XAB2: variants seen among roughly 807,000 people sequenced by gnomAD.
XAB2 encodes the protein XPA binding protein 2.
In XAB2, 57 loss-of-function variants were observed where a neutral mutation model predicts 113.4. The ratio of observed to expected loss-of-function variants is 0.50; its 90% confidence interval spans 0.41 to 0.63. The LOEUF (loss-of-function observed/expected upper bound fraction) is 0.63, where lower values mean the gene tolerates loss of function less well. Ranked by LOEUF, XAB2 falls within the 20% of genes least tolerant of loss-of-function variation. The pLI is 0.00. For missense variants in XAB2, 1,037 were observed against 1,233.3 expected, an observed-to-expected ratio of 0.84 and a Z score of 2.38; for synonymous variants, 497 against 498.8, an observed-to-expected ratio of 1.00 and a Z score of 0.05.
In XAB2 at chr19:7,624,364, A is replaced by T. The variant is rs1170223267; in HGVS notation, c.904T>A (p.Phe302Ile). The change falls in exon 7 of 19, where the codon TTC becomes ATC. Residue 302 changes from phenylalanine (F) to isoleucine (I), a missense_variant. Transcript: ENST00000358368. This position sits in a 1 kb window ranked among gnomAD's most constrained non-coding sequence, Gnocchi z 4.2. ...TTTGCAGCGATCATGCTCTCCTCGA[A>T]CTGGGCGTAGCTGTCAAACACCTGT... ...FTQVFDSYAQ[F>I]EESMIAAKME... is the part of the protein sequence containing the mutation. 1 of 1,613,984 alleles carries T rather than the reference A, an allele frequency of 6.2e-7. No individual in the cohort carries two copies. Among genetic ancestry groups the T allele is most frequent in the Non-Finnish European group, 8.5e-7 (1 of 1,180,004 alleles).
In XAB2 at chr19:7,622,868, G is replaced by A; in HGVS notation, c.1265C>T (p.Thr422Ile). ...ATCCACCTGCTTGAAGTTCACCTTG[G>A]TGGCCTTCTCCAGGATGACACGGGC... The part of the protein sequence containing the change: ...DDARVILEKA[T>I]KVNFKQVDDL... The change falls in exon 10 of 19, where the codon ACC becomes ATC. Residue 422 changes from threonine (T) to isoleucine (I), a missense_variant. By Grantham distance (89) the Thr-to-Ile change is moderately conservative (BLOSUM62 -1). Coordinates refer to ENST00000358368, the MANE Select transcript of XAB2 (RefSeq NM_020196.3). 1 of 1,613,908 alleles carries A rather than the reference G, an allele frequency of 6.2e-7. No individual in the cohort carries two copies. Among genetic ancestry groups the A allele is most frequent in the Non-Finnish European group, 8.5e-7 (1 of 1,179,982 alleles).
chr19:7,624,741 CA>C lies in XAB2; in HGVS notation c.823-297del, dbSNP rs2031104414. Among the ~76,000 whole-genome samples, 1 of 152,190 alleles carries C rather than the reference CA, an allele frequency of 6.6e-6. No homozygotes were observed. The highest frequency in any genetic ancestry group is 1.5e-5 in the Non-Finnish European group (1 of 68,028). On this transcript the variant is annotated intron_variant, in intron 6 of 18. Coordinates refer to ENST00000358368, the MANE Select transcript of XAB2 (RefSeq NM_020196.3). The surrounding 1 kb of genome is among the most constrained non-coding windows in gnomAD (Gnocchi z 4.2). ...TGAGACACATGTGTGAAGCACTTGG[CA>C]CCCAATAGGTGGCCAAAAACCCCCC...
chr19:7,628,083 C>A lies in XAB2; in HGVS notation c.200+67G>T. On this transcript the variant is annotated intron_variant, in intron 2 of 18. Transcript: ENST00000358368. The surrounding 1 kb of genome is among the most constrained non-coding windows in gnomAD (Gnocchi z 4.6). ...CACCCGGGACCCGGGACCCACTTGG[C>A]AGTTTTGTTATAACTGGACCAGGTG... 2 of 1,560,386 alleles carry A rather than the reference C, an allele frequency of 1.3e-6. No individual in the cohort carries two copies. Among genetic ancestry groups the A allele is most frequent in the South Asian group, 1.2e-5 (1 of 86,804 alleles).
chr19:7,624,670 T>G lies in XAB2; in HGVS notation c.823-225A>C, dbSNP rs1451832980. Among the ~76,000 whole-genome samples, 1 of 152,074 alleles carries G rather than the reference T, an allele frequency of 6.6e-6. No homozygotes were observed. Among genetic ancestry groups the G allele is most frequent in the Non-Finnish European group, 1.5e-5 (1 of 67,986 alleles). ...CTTGGGAGCTTCAGGACCTCCTCAG[T>G]AAACTGGGTGACTGCCCTTTGCACA... On this transcript the variant is annotated intron_variant, in intron 6 of 18. Coordinates refer to ENST00000358368, the MANE Select transcript of XAB2 (RefSeq NM_020196.3). This position sits in a 1 kb window ranked among gnomAD's most constrained non-coding sequence, Gnocchi z 4.2.
Position 7,624,294 on chromosome 19 carries a change from G to A in XAB2, c.967+7C>T. The A allele has an allele frequency of 6.2e-7, 1 of 1,612,864 alleles. No homozygotes were observed. Among genetic ancestry groups the A allele is most frequent in the Non-Finnish European group, 8.5e-7 (1 of 1,180,000 alleles). On this transcript the variant is annotated splice_region_variant and intron_variant, in intron 7 of 18. Transcript: ENST00000358368. The surrounding 1 kb of genome is among the most constrained non-coding windows in gnomAD (Gnocchi z 4.2). The stretch of plus-strand genomic sequence containing the variant: ...CTCCCCACCAGCCGGGGCCCCCAGA[G>A]GCTCACCCTCCTCCTCGCGCCCCAG...
In XAB2 at chr19:7,624,441, C is replaced by T. The variant is rs779830412; in HGVS notation, c.827G>A (p.Arg276Gln). The T allele has an allele frequency of 3.7e-6, 6 of 1,613,940 alleles. No homozygotes were observed. The highest frequency in any genetic ancestry group is 2.7e-5 in the African/African-American group (2 of 74,932). Residue 276 changes from arginine to glutamine, a missense_variant, in exon 7 of 19, where the codon CGG becomes CAG. Arg to Gln is a conservative substitution (Grantham distance 43). Transcript: ENST00000358368. The surrounding 1 kb of genome is among the most constrained non-coding windows in gnomAD (Gnocchi z 4.2). ...YIRSGHFEKA[R>Q]DVYEEAIRTV... is the part of the protein sequence containing the mutation. ...CCGGATGGCCTCCTCGTACACGTCC[C>T]GAGCCTGTGGGGACCCAGGGAAGGG...
rs779071845 is a variant in XAB2 at position 7,620,653 on chromosome 19, T to C, written c.1988A>G (p.His663Arg). The change falls in exon 15 of 19, where the codon CAC (histidine) becomes CGC (arginine). Residue 663 changes from histidine to arginine, a missense_variant. His to Arg is a conservative substitution (Grantham distance 29). Transcript: ENST00000358368. ...QKAIEVLSDE[H>R]AREMCLRFAD... ...AAACCGCAGGCACATCTCACGCGCG[T>C]GCTCGTCCGACAGCACCTGGACACC... is the stretch of plus-strand genomic sequence containing the variant. The C allele has an allele frequency of 2.0e-5, 32 of 1,612,706 alleles. No homozygotes were observed. Among genetic ancestry groups the C allele is most frequent in the Non-Finnish European group, 2.6e-5 (31 of 1,179,898 alleles).
rs1200278301 is a variant in XAB2, at chr19:7,625,419, C to T, written c.822+461G>A. On this transcript the variant is annotated intron_variant, in intron 6 of 18. Coordinates refer to ENST00000358368, the MANE Select transcript of XAB2 (RefSeq NM_020196.3). This position sits in a 1 kb window ranked among gnomAD's most constrained non-coding sequence, Gnocchi z 5.2. ...CCTGCGGGCAGGAGTGCTCCCCCAC[C>T]CTCAGCAGGATAGTAATCGTGTGCA... 1.3e-5 allele frequency among the ~76,000 whole-genome samples: 2 copies of T among 152,136 alleles called. No individual in the cohort carries two copies. The highest frequency in any genetic ancestry group is 2.9e-5 in the Non-Finnish European group (2 of 68,020).
At position 7,619,957 on chromosome 19, in the gene XAB2, G is replaced by A. The variant is rs1433504027; in HGVS notation, c.2385C>T (p.Ile795=). Residue 795 remains isoleucine, a synonymous_variant, in exon 17 of 19, where the codon ATC becomes ATT. Transcript: ENST00000358368. ...GGATCCGCCCTCACCTCACGAACAG[G>A]ATCTTGCTCTGGGCGCGCAAGGGCT... ...RDQPLRAQSK[I]LFVRSDASRE... 2 of 1,611,552 alleles carry A rather than the reference G, an allele frequency of 1.2e-6. No individual in the cohort carries two copies. Among genetic ancestry groups the A allele is most frequent in the Admixed American group, 1.7e-5 (1 of 60,020 alleles).
rs932077127 is a variant in XAB2, at chr19:7,619,780, C to G, written c.2473G>C (p.Glu825Gln). Residue 825 changes from glutamate to glutamine, a missense_variant, in exon 18 of 19, where the codon GAG becomes CAG. Transcript: ENST00000358368. ...NPEEIQLGED[E>Q]DEDEMDLEPN... ...TCCAGGTCCATCTCGTCCTCGTCCT[C>G]GTCCTCGCCCAGCTGGATCTCCTCG... 6.2e-7 allele frequency: 1 copy of G among 1,613,676 alleles called. No individual in the cohort carries two copies. The highest frequency in any genetic ancestry group is 8.5e-7 in the Non-Finnish European group (1 of 1,179,948).
chr19:7,621,526 C>G, intron 12 of XAB2: 2 of 552,894 alleles, frequency 3.6e-6, no homozygotes, highest in South Asian at 2.5e-5. Context: ...TAAGCACAGT[C>G]TGGCCCCATA....
chr19:7,620,872 G>T lies in XAB2; in HGVS notation c.1945C>A (p.Arg649Ser). 1 of 1,593,980 alleles carries T rather than the reference G, an allele frequency of 6.3e-7. No individual in the cohort carries two copies. Among genetic ancestry groups the T allele is most frequent in the South Asian group, 1.1e-5 (1 of 87,916 alleles). ...TCAATGGCCTTCTGGTAGATGCCGC[G>T]GGTGTGGGTGACCCCATAGATCTCG... ...AAEIYGVTHT[R>S]GIYQKAIEVL... Residue 649 changes from arginine (R) to serine (S), a missense_variant, in exon 14 of 19, where the codon CGC becomes AGC. Physicochemically the swap from Arg to Ser is moderately radical, Grantham distance 110 (BLOSUM62 -1). Transcript: ENST00000358368.
At chr19:7,622,279 TG>T in intron 12 of XAB2, 51 bp downstream of exon 12, 1 of 1,576,314 alleles carries the variant, frequency 6.3e-7, no homozygotes, top group Non-Finnish European at 8.7e-7. Flanking sequence ...TGAGGACCCC[TG>T]GGGAGGGGAC....
Position 7,622,423 on chromosome 19 carries a change from G to A in XAB2, c.1525C>T (p.Arg509Cys), listed in dbSNP as rs377194001. 28 of 1,614,194 alleles carry A rather than the reference G, an allele frequency of 1.7e-5. No individual in the cohort carries two copies. The highest frequency in any genetic ancestry group is 6.7e-5 in the Admixed American group (4 of 60,032). ...GTTGCGATACGCAGGTCCAGGATGC[G>A]GTCGTACACGGCCTTGGTGGACTGC... ...TFQSTKAVYDRILDLRIATPQ... is the reference protein window; with the variant it reads ...TFQSTKAVYDCILDLRIATPQ... Residue 509 changes from arginine (R) to cysteine (C), a missense_variant, in exon 12 of 19, where the codon CGC (arginine) becomes TGC (cysteine). Physicochemically the swap from Arg to Cys is radical, Grantham distance 180. Coordinates refer to ENST00000358368, the MANE Select transcript of XAB2 (RefSeq NM_020196.3).
rs1489818523 is a variant in XAB2 at position 7,622,545 on chromosome 19, G to C, written c.1488C>G (p.Ser496Arg). The part of the protein sequence containing the change: ...VWSMLADLEE[S>R]LGTFQSTKAV... ...GGCAGCTCACCTGGAAGGTGCCGAG[G>C]CTCTCCTCCAGGTCGGCGAGCATGG... The change falls in exon 11 of 19, where the codon AGC (serine) becomes AGG (arginine). Residue 496 changes from serine (S) to arginine (R), a missense_variant. Ser to Arg is a moderately radical substitution (Grantham distance 110, BLOSUM62 -1). Transcript: ENST00000358368. The C allele has an allele frequency of 6.2e-7, 1 of 1,613,776 alleles. No individual in the cohort carries two copies. The highest frequency in any genetic ancestry group is 8.5e-7 in the Non-Finnish European group (1 of 1,180,030).
In XAB2 at chr19:7,621,300, G is replaced by T; in HGVS notation, c.1618-3C>A. 2 of 1,612,184 alleles carry T rather than the reference G, an allele frequency of 1.2e-6. No homozygotes were observed. The highest frequency in any genetic ancestry group is 2.7e-5 in the African/African-American group (2 of 75,036). On this transcript the variant is annotated splice_region_variant and splice_polypyrimidine_tract_variant and intron_variant, in intron 12 of 18. Coordinates refer to ENST00000358368, the MANE Select transcript of XAB2 (RefSeq NM_020196.3). ...AGCGAGATGCCGCGCTCGTACGCCT[G>T]TTACCAGAGGGAGAGTCACATGTGA...
chr19:7,627,947 G>T lies in XAB2; in HGVS notation c.201-96C>A. Reference sequence around the variant, plus strand: ...CCAGTTGGCAAATGTGGGAAGAAGGGGTGTGGGAGGGGTGACATGTCTCAG... The same window carrying T: ...CCAGTTGGCAAATGTGGGAAGAAGGTGTGTGGGAGGGGTGACATGTCTCAG... On this transcript the variant is annotated intron_variant, in intron 2 of 18. Transcript: ENST00000358368. This position sits in a 1 kb window ranked among gnomAD's most constrained non-coding sequence, Gnocchi z 4.5. The T allele has an allele frequency of 1.3e-6, 2 of 1,549,184 alleles. No individual in the cohort carries two copies. Among genetic ancestry groups the T allele is most frequent in the South Asian group, 2.4e-5 (2 of 82,470 alleles).
Position 7,623,329 on chromosome 19 carries a change from C to A in XAB2, c.1120-40G>T. 1 of 1,604,892 alleles carries A rather than the reference C, an allele frequency of 6.2e-7. No homozygotes were observed. The highest frequency in any genetic ancestry group is 8.5e-7 in the Non-Finnish European group (1 of 1,174,610). On this transcript the variant is annotated intron_variant, in intron 8 of 18. Coordinates refer to ENST00000358368, the MANE Select transcript of XAB2 (RefSeq NM_020196.3). This position sits in a 1 kb window ranked among gnomAD's most constrained non-coding sequence, Gnocchi z 4.6. ...GAGGAGGTCATATAGGACTCAGGACCCTGCAGATGACGGTCGGGGCAGAGC... is the reference window on the plus strand; with the variant it reads ...GAGGAGGTCATATAGGACTCAGGACACTGCAGATGACGGTCGGGGCAGAGC...
In XAB2 at chr19:7,621,968, G is replaced by T. The variant is rs4134856; in HGVS notation, c.1617+363C>A. ...AGTACCTCAGAAAGTAGATTCGTTT[G>T]AAGATGAGATCACTAAGTTAAACTG... is the stretch of plus-strand genomic sequence containing the variant. On this transcript the variant is annotated intron_variant, in intron 12 of 18. Transcript: ENST00000358368. 1,087 of 228,826 alleles carry T rather than the reference G, an allele frequency of 4.8e-3. 16 individuals carry two copies. The highest frequency in any genetic ancestry group is 0.024 in the African/African-American group (1,030 of 43,426). 14.2% of individuals were successfully genotyped at this position (228,826 alleles called of 1,614,324 possible).
Sources: gnomAD v4.1 joint callset for allele counts (sites outside exome capture counted in the v4.1 genomes callset) on GRCh38, gnomAD v4.1.1 for gene constraint, Gnocchi (gnomAD v3.1) non-coding constraint, MANE v1.5 for transcripts, NCBI Gene and HGNC (gene_info 2026-07-23, HGNC 2026-07-21) for gene names.